Variants in ABL2 observed in about 807,000 individuals in gnomAD.
ABL2 encodes the protein ABL proto-oncogene 2, non-receptor tyrosine kinase.
ABL2 carries 49 observed loss-of-function variants against 107.7 expected under a neutral mutation model. The ratio of observed to expected loss-of-function variants is 0.45; its 90% CI spans 0.36 to 0.58. The LOEUF (loss-of-function observed/expected upper bound fraction) is 0.58, where lower values mean the gene tolerates loss of function less well. Ranked by LOEUF, ABL2 falls within the 20% of genes least tolerant of loss-of-function variation. ABL2 has a pLI of 0.00. For missense variants in ABL2, 1,245 were observed against 1,457.0 expected (o/e 0.85, Z 2.37); for synonymous variants, 549 against 548.6 (o/e 1.00, Z -0.01).
At position 179,108,652 on chromosome 1, in the gene ABL2, G is replaced by C. The variant is rs1396457751; in HGVS notation, c.2615C>G (p.Thr872Arg). 7 of 1,614,234 alleles carry C rather than the reference G, an allele frequency of 4.3e-6. No individual in the cohort carries two copies. Among genetic ancestry groups the C allele is most frequent in the Non-Finnish European group, 5.9e-6 (7 of 1,180,040 alleles). The change falls in exon 12 of 12, where the codon ACA becomes AGA. Residue 872 changes from threonine (T) to arginine (R), a missense_variant. By Grantham distance (71) the Thr-to-Arg change is moderately conservative. This residue lies in a region of ABL2 where 761 missense variants were observed against 766.4 expected (regional missense o/e 0.99). Coordinates refer to ENST00000502732, the MANE Select transcript of ABL2 (RefSeq NM_007314.4). ...TCCCACCCCTGGAGGGTCCTTCTCTGTAATGGCTAGATCCCCAGAGGGTGT... is the reference window on the plus strand; with the variant it reads ...TCCCACCCCTGGAGGGTCCTTCTCTCTAATGGCTAGATCCCCAGAGGGTGT... ...LRTPSGDLAI[T>R]EKDPPGVGVA...
chr1:179,228,412 A>G (rs769982859), intron 1 of ABL2, among the ~76,000 whole-genome samples: 1 of 152,162 alleles, frequency 6.6e-6, no homozygotes, highest in Non-Finnish European at 1.5e-5. Context: ...CAACTATTCT[A>G]AAAATACATT....
At chr1:179,116,250 TG>T (rs1654608309) in intron 8 of ABL2, among the ~76,000 whole-genome samples, 1 of 152,078 alleles carries the variant, frequency 6.6e-6, no homozygotes, top group African/African-American at 2.4e-5. Context: ...GATGCATGCC[TG>T]TAGTCCCAGC....
chr1:179,111,444 C>T (rs1447774473), intron 10 of ABL2, among the ~76,000 whole-genome samples: 1 of 151,820 alleles, frequency 6.6e-6, no homozygotes, highest in Non-Finnish European at 1.5e-5. Context: ...TGCCATCACG[C>T]CTGGCTAGTT....
intron 1 of ABL2, chr1:179,137,669 T>C (rs1452830961): frequency 1.3e-5 from 2 of 152,186 alleles, no homozygotes; most frequent in East Asian, 3.8e-4. Flanking sequence ...GCAAATGTCA[T>C]ATAGTTATAC....
intron 1 of ABL2, among the ~76,000 whole-genome samples, chr1:179,216,963 T>TG (rs1662597674): frequency 6.6e-6 from 1 of 151,740 alleles, no homozygotes; most frequent in East Asian, 2.0e-4. Context: ...ATTGCAGGCA[T>TG]GAGCCACCTC....
intron 1 of ABL2, among the ~76,000 whole-genome samples, chr1:179,190,270 C>T (rs1340027165): frequency 1.3e-5 from 2 of 152,104 alleles, no homozygotes; most frequent in African/African-American, 4.8e-5. Context: ...ACAACCCCCT[C>T]CTTGGTTAGA....
chr1:179,227,996 G>A (rs1663317921), intron 1 of ABL2, among the ~76,000 whole-genome samples: 1 of 139,186 alleles, frequency 7.2e-6, no homozygotes, highest in South Asian at 2.2e-4. Context: ...GTTGCAGTGA[G>A]CCAAGATCAC....
intron 1 of ABL2, among the ~76,000 whole-genome samples, chr1:179,151,461 T>C: frequency 6.6e-6 from 1 of 152,332 alleles, no homozygotes; most frequent in African/African-American, 2.4e-5. Flanking sequence ...ATACTATATT[T>C]AATATAATTT....
At chr1:179,129,539 C>A (rs374911734) in intron 3 of ABL2, among the ~76,000 whole-genome samples, 1 of 151,880 alleles carries the variant, frequency 6.6e-6, no homozygotes, top group Non-Finnish European at 1.5e-5. Context: ...AAAATTAACA[C>A]GGCGTGGTGG....
Position 179,103,914 on chromosome 1 carries a change from G to C in ABL2, c.*3804C>G. 8.6e-6 allele frequency: 2 copies of C among 232,844 alleles called. No homozygotes were observed. Among genetic ancestry groups the C allele is most frequent in the Non-Finnish European group, 1.7e-5 (2 of 117,502 alleles). 14.4% of individuals were successfully genotyped at this position (232,844 alleles called of 1,614,324 possible). ...TTCTTAATCTATAAACCAAAGGGTT[G>C]GGGTACTGATAGTTTTCAGATAGCA... is the stretch of plus-strand genomic sequence containing the variant. On this transcript the variant is annotated 3_prime_UTR_variant, in exon 12 of 12. Coordinates refer to ENST00000502732, the MANE Select transcript of ABL2 (RefSeq NM_007314.4).
intron 1 of ABL2, among the ~76,000 whole-genome samples, chr1:179,228,278 C>T (rs1259352111): frequency 1.3e-5 from 2 of 151,718 alleles, no homozygotes; most frequent in Admixed American, 1.3e-4. Context: ...ACCCGGGAGG[C>T]AGAGATTGCA....
intron 1 of ABL2, among the ~76,000 whole-genome samples, chr1:179,136,385 G>A (rs1656981933): frequency 2.0e-5 from 3 of 152,206 alleles, no homozygotes; most frequent in Middle Eastern, 3.4e-3. Context: ...TTCTGCCTTG[G>A]GATCCTGTTG....
chr1:179,166,374 CA>C (rs1164034619), intron 1 of ABL2, among the ~76,000 whole-genome samples: 1 of 122,282 alleles, frequency 8.2e-6, no homozygotes, highest in Non-Finnish European at 1.7e-5. Flanking sequence ...TCAGAATATA[CA>C]AAGAATTCAA....
chr1:179,099,805 G>C lies in ABL2; in HGVS notation c.*7913C>G. ...TTTACTAAGCGAGCATAAAACTGGG[G>C]TTTGTCCAGTGACAGTCATTAGAGA... On this transcript the variant is annotated 3_prime_UTR_variant, in exon 12 of 12. Transcript: ENST00000502732. 4.3e-6 allele frequency: 1 copy of C among 231,940 alleles called. No individual in the cohort carries two copies. Among genetic ancestry groups the C allele is most frequent in the East Asian group, 6.1e-5 (1 of 16,392 alleles). The allele number at this position is 231,940 out of a possible 1,614,324, so 14.4% of individuals were successfully genotyped here.
chr1:179,113,268 C>G (rs1332808537), intron 9 of ABL2, among the ~76,000 whole-genome samples: 1 of 152,142 alleles, frequency 6.6e-6, no homozygotes, highest in East Asian at 1.9e-4. Context: ...CCTATTCCCT[C>G]TAATAAAAGG....
chr1:179,162,250 G>A (rs1434748703), intron 1 of ABL2, among the ~76,000 whole-genome samples: 3 of 152,078 alleles, frequency 2.0e-5, no homozygotes, highest in Admixed American at 6.6e-5. Context: ...ATAAAGAAAT[G>A]GCTAACTTAT....
intron 1 of ABL2, among the ~76,000 whole-genome samples, chr1:179,213,559 C>A (rs1169181203): frequency 2.0e-5 from 3 of 152,110 alleles, no homozygotes; most frequent in Non-Finnish European, 4.4e-5. Flanking sequence ...CCTCAGCCTT[C>A]CAAACTGCTA....
At chr1:179,171,519 G>C (rs961469176) in intron 1 of ABL2, among the ~76,000 whole-genome samples, 5 of 152,154 alleles carry the variant, frequency 3.3e-5, no homozygotes, top group Non-Finnish European at 5.9e-5. Flanking sequence ...TAAAGACACA[G>C]GGTCTCACTG....
chr1:179,185,023 C>T (rs374806922), intron 1 of ABL2, among the ~76,000 whole-genome samples: 104 of 152,260 alleles, frequency 6.8e-4, no homozygotes, highest in African/African-American at 2.2e-3. Context: ...GGTGCTAGGC[C>T]CCTGTGTAGT....
Sources: allele counts gnomAD v4.1 joint callset (sites outside exome capture counted in the v4.1 genomes callset), GRCh38; gene constraint gnomAD v4.1.1; regional missense constraint gnomAD v4.1.1; transcripts MANE v1.5; gene names NCBI Gene and HGNC (gene_info 2026-07-23, HGNC 2026-07-21).